The following RFX7 variants were observed in gnomAD, a reference collection of about 807,000 sequenced individuals.
RFX7 encodes the protein regulatory factor X7.
A neutral mutation model predicts 111.8 loss-of-function variants in RFX7; 26 were observed. The observed-to-expected ratio is 0.23, with a 90% CI of 0.17 to 0.32. The LOEUF is 0.32. Among genes scored for constraint, RFX7 ranks in the 10% least tolerant of loss-of-function variants. The pLI is 1.00. For missense variants in RFX7, 1,573 were observed against 1,772.9 expected, an observed-to-expected ratio of 0.89 and a Z score of 2.02; for synonymous variants, 624 against 624.4, an observed-to-expected ratio of 1.00 and a Z score of 0.01.
At chr15:56,142,995 A>G (rs1484295576) in intron 4 of RFX7, 95 bp from the exon 5 acceptor site, 1 of 1,364,470 alleles carries the variant, frequency 7.3e-7, no homozygotes, top group South Asian at 1.3e-5. Context: ...ACTGTATACA[A>G]ATACACTATC....
chr15:56,166,878 T>C (rs1262027459), intron 3 of RFX7, among the ~76,000 whole-genome samples: 2 of 152,198 alleles, frequency 1.3e-5, no homozygotes, highest in Admixed American at 6.5e-5. Flanking sequence ...CCTGAGTAGC[T>C]GGGGCGACAG....
intron 2 of RFX7, among the ~76,000 whole-genome samples, chr15:56,214,007 C>T (rs1392109326): frequency 6.6e-6 from 1 of 152,106 alleles, no homozygotes; most frequent in Non-Finnish European, 1.5e-5. Context: ...CATTATATAG[C>T]CCATTGCTGC....
intron 4 of RFX7, 95 bp downstream of exon 4, chr15:56,144,306 C>A: frequency 2.3e-6 from 1 of 442,078 alleles, no homozygotes; most frequent in Non-Finnish European, 3.8e-6. Flanking sequence ...AGGAATATTG[C>A]AAAAACTCTA....
At chr15:56,155,486 C>T (rs148242417) in intron 3 of RFX7, among the ~76,000 whole-genome samples, 1 of 152,140 alleles carries the variant, frequency 6.6e-6, no homozygotes, top group African/African-American at 2.4e-5. Flanking sequence ...AAGCTGGAAA[C>T]CGTCATTCTC....
At chr15:56,098,589 G>A (rs2041713458) in intron 8 of RFX7, among the ~76,000 whole-genome samples, 1 of 152,176 alleles carries the variant, frequency 6.6e-6, no homozygotes, top group South Asian at 2.1e-4. Flanking sequence ...CAACTCAGGC[G>A]ACAGTTTCAG....
chr15:56,160,066 T>A (rs576066159), intron 3 of RFX7, among the ~76,000 whole-genome samples: 2 of 152,242 alleles, frequency 1.3e-5, no homozygotes, highest in Non-Finnish European at 2.9e-5. Context: ...TTTGGTTTTG[T>A]TTTTTTAAGC....
chr15:56,088,200 A>G lies in RFX7; in HGVS notation c.*5145T>C, dbSNP rs574058466. On this transcript the variant is annotated 3_prime_UTR_variant, in exon 10 of 10. Transcript: ENST00000559447. ...AGCAACCAGATCATACAACTGCAGT[A>G]GGTACACTGTGAACACATATCTTAA... 5.0e-5 allele frequency: 9 copies of G among 179,862 alleles called. No individual in the cohort carries two copies. Among genetic ancestry groups the G allele is most frequent in the African/African-American group, 1.9e-4 (8 of 41,858 alleles). The allele number at this position is 179,862 out of a possible 1,614,324, so 11.1% of individuals were successfully genotyped here.
chr15:56,200,285 T>C (rs555724333), intron 2 of RFX7, among the ~76,000 whole-genome samples: 7 of 152,308 alleles, frequency 4.6e-5, no homozygotes, highest in African/African-American at 1.7e-4. Context: ...GGATGACTGT[T>C]CTCTCTGGGA....
intron 2 of RFX7, 85 bp downstream of exon 2, chr15:56,243,040 G>GCGCCCC: frequency 1.1e-5 from 6 of 570,716 alleles, no homozygotes; most frequent in Non-Finnish European, 1.9e-5. Flanking sequence ...CTCCTCCTCC[G>GCGCCCC]CTCCCCCCGC....
chr15:56,102,970 C>CTTAA (rs1262806585), intron 6 of RFX7, among the ~76,000 whole-genome samples: 13 of 152,084 alleles, frequency 8.5e-5, no homozygotes, highest in African/African-American at 3.1e-4. Context: ...ATAATGAATT[C>CTTAA]TTAATTTTAA....
chr15:56,097,766 A>AAAAAAAAAAAAAAAAAC (rs2041700868), intron 9 of RFX7, among the ~76,000 whole-genome samples: 2 of 147,920 alleles, frequency 1.4e-5, no homozygotes, highest in Non-Finnish European at 3.0e-5. Flanking sequence ...AAAAAAAAAA[A>AAAAAAAAAAAAAAAAAC]AAAAATCTTG....
intron 2 of RFX7, among the ~76,000 whole-genome samples, chr15:56,189,255 T>C (rs1275139037): frequency 2.0e-5 from 3 of 152,016 alleles, no homozygotes; most frequent in East Asian, 3.9e-4. Context: ...GGCGTGGTGG[T>C]GCATGCCTGT....
chr15:56,218,144 CTTTTTTTTTTTTTTT>C (rs869249448), intron 2 of RFX7, among the ~76,000 whole-genome samples: 2 of 57,974 alleles, frequency 3.4e-5, no homozygotes, highest in South Asian at 7.8e-4. Flanking sequence ...AAATGATTTT[CTTTTTTTTTTTTTTT>C]TTTTTTTTTT....
At chr15:56,132,787 T>C (rs1243056794) in intron 5 of RFX7, among the ~76,000 whole-genome samples, 1 of 152,080 alleles carries the variant, frequency 6.6e-6, no homozygotes, top group Non-Finnish European at 1.5e-5. Context: ...TGTAAAAGGC[T>C]AGAACAAACA....
chr15:56,117,582 C>T (rs905633906), intron 5 of RFX7, among the ~76,000 whole-genome samples: 2 of 152,072 alleles, frequency 1.3e-5, no homozygotes, highest in South Asian at 4.1e-4. Flanking sequence ...ATTTATTCCT[C>T]CTATCTAGTT....
At chr15:56,167,402 C>T (rs1008900006) in intron 3 of RFX7, among the ~76,000 whole-genome samples, 2 of 152,130 alleles carry the variant, frequency 1.3e-5, no homozygotes, top group African/African-American at 4.8e-5. Context: ...TAAGGGGACT[C>T]GGTAATATAG....
At chr15:56,216,916 G>A (rs1281192376) in intron 2 of RFX7, among the ~76,000 whole-genome samples, 2 of 152,106 alleles carry the variant, frequency 1.3e-5, no homozygotes, top group African/African-American at 2.4e-5. Context: ...AGCCTATAGA[G>A]TAGCAAGAAT....
At chr15:56,236,166 T>G (rs1443521797) in intron 2 of RFX7, among the ~76,000 whole-genome samples, 1 of 152,186 alleles carries the variant, frequency 6.6e-6, no homozygotes, top group Non-Finnish European at 1.5e-5. Context: ...TAACCAAACC[T>G]CATGTTTCTA....
At position 56,092,173 on chromosome 15, in the gene RFX7, G is replaced by C. The variant is rs2041604458; in HGVS notation, c.*1172C>G. ...GTGGTTATCACAATAAATAAATTAA[G>C]CAAGTAATAAAATGCTCTTCTTCTT... On this transcript the variant is annotated 3_prime_UTR_variant, in exon 10 of 10. Coordinates refer to ENST00000559447, the MANE Select transcript of RFX7 (RefSeq NM_022841.7). The C allele has an allele frequency of 6.6e-6, 1 of 152,498 alleles. No individual in the cohort carries two copies. Among genetic ancestry groups the C allele is most frequent in the South Asian group, 2.1e-4 (1 of 4,818 alleles). The allele number at this position is 152,498 out of a possible 1,614,324, so 9.4% of individuals were successfully genotyped here.
Sources: allele counts gnomAD v4.1 joint callset (sites outside exome capture counted in the v4.1 genomes callset), GRCh38; gene constraint gnomAD v4.1.1; transcripts MANE v1.5; gene names NCBI Gene and HGNC (gene_info 2026-07-23, HGNC 2026-07-21).